The following MARK1 variants were observed in gnomAD, a reference collection of about 807,000 sequenced individuals.
MARK1 encodes microtubule affinity regulating kinase 1.
Under a neutral mutation model 96.3 loss-of-function variants are expected in MARK1, and 40 were observed. The observed-to-expected ratio is 0.42, with a 90% confidence interval of 0.32 to 0.54. MARK1 has a LOEUF of 0.54. MARK1 is among the 20% of genes least tolerant of loss of function. The probability of loss-of-function intolerance (pLI) is 0.16; values close to 1 mark genes in which losing one functional copy is unlikely to be tolerated. For synonymous variants in MARK1, 317 were observed against 341.2 expected, an observed-to-expected ratio of 0.93 and a Z score of 0.78; for missense variants, 719 against 984.6, an observed-to-expected ratio of 0.73 and a Z score of 3.61.
At position 220,663,131 on chromosome 1, in the gene MARK1, A is replaced by G. The variant is rs1170076474; in HGVS notation, c.*965A>G. ...AAGAAATAATGCCACCTCAGGAATT[A>G]ACTGGCATTGGGAACATTTGCCTCA... On this transcript the variant is annotated 3_prime_UTR_variant, in exon 18 of 18. Transcript: ENST00000366917. 6.6e-6 allele frequency: 1 copy of G among 152,642 alleles called. No homozygotes were observed. Among genetic ancestry groups the G allele is most frequent in the East Asian group, 1.9e-4 (1 of 5,198 alleles). 9.5% of individuals were successfully genotyped at this position (152,642 alleles called of 1,614,324 possible).
chr1:220,641,387 A>G (rs1668259964), intron 13 of MARK1, among the ~76,000 whole-genome samples: 1 of 152,136 alleles, frequency 6.6e-6, no homozygotes, highest in Non-Finnish European at 1.5e-5. Flanking sequence ...CTACCCTTCT[A>G]CCGTGTGAAA....
intron 7 of MARK1, among the ~76,000 whole-genome samples, chr1:220,617,982 G>A (rs1307699301): frequency 2.0e-5 from 3 of 152,058 alleles, no homozygotes; most frequent in Non-Finnish European, 4.4e-5. Context: ...GTCATATTAA[G>A]GTACGCTTCC....
chr1:220,633,563 C>A (rs953385033), intron 11 of MARK1, among the ~76,000 whole-genome samples: 1 of 152,246 alleles, frequency 6.6e-6, no homozygotes, highest in South Asian at 2.1e-4. Flanking sequence ...ACGAGGTGAG[C>A]AGTTAATAGT....
intron 12 of MARK1, 89 bp downstream of exon 12, chr1:220,635,618 G>T: frequency 7.1e-7 from 1 of 1,410,982 alleles, no homozygotes. Context: ...GTCTCTATGT[G>T]CTTGTGTTAT....
chr1:220,623,249 T>A (rs1429609557), intron 9 of MARK1, among the ~76,000 whole-genome samples: 1 of 152,186 alleles, frequency 6.6e-6, no homozygotes, highest in Non-Finnish European at 1.5e-5. Flanking sequence ...GGAAAGTTTT[T>A]CCCTCGACTT....
chr1:220,628,844 T>C (rs906653637), intron 9 of MARK1, among the ~76,000 whole-genome samples: 4 of 151,732 alleles, frequency 2.6e-5, no homozygotes, highest in African/African-American at 9.7e-5. Context: ...CCCAGCACTT[T>C]GGGAAGCCGA....
At chr1:220,570,069 G>C (rs1197770331) in intron 1 of MARK1, among the ~76,000 whole-genome samples, 1 of 152,076 alleles carries the variant, frequency 6.6e-6, no homozygotes, top group Non-Finnish European at 1.5e-5. Flanking sequence ...AAGGATGTAA[G>C]AAACAATGGT....
Position 220,576,131 on chromosome 1 carries a change from G to A in MARK1, c.52-3223G>A, listed in dbSNP as rs183191797. On this transcript the variant is annotated intron_variant, in intron 1 of 17. Coordinates refer to ENST00000366917, the MANE Select transcript of MARK1 (RefSeq NM_018650.5). ...GTTTACTTTTTAATTTTAAAATAAC[G>A]ATAGCATTGTGTATCTACTGACATT... 2.8e-4 allele frequency among the ~76,000 whole-genome samples: 41 copies of A among 144,106 alleles called. No homozygotes were observed. In the East Asian group the frequency reaches 6.5e-3, roughly 23 times the overall value. The allele number at this position is 144,106 out of a possible 152,430, so 94.5% of individuals were successfully genotyped here. A position where few individuals can be genotyped will look rare whatever the true frequency, so the allele number is the denominator to read the frequency against.
At chr1:220,569,225 C>A (rs1663266370) in intron 1 of MARK1, among the ~76,000 whole-genome samples, 1 of 151,970 alleles carries the variant, frequency 6.6e-6, no homozygotes, top group South Asian at 2.1e-4. Context: ...TCATATTTGC[C>A]CATTTTAAAA....
chr1:220,581,297 T>C (rs889040322), intron 3 of MARK1, among the ~76,000 whole-genome samples, 179 bp downstream of exon 3: 1 of 152,182 alleles, frequency 6.6e-6, no homozygotes, highest in Non-Finnish European at 1.5e-5. Context: ...GCTTGAAAAC[T>C]ATCTACTACT....
chr1:220,615,813 G>A (rs1169497011), intron 6 of MARK1, 126 bp from the exon 7 acceptor site: 1 of 572,784 alleles, frequency 1.7e-6, no homozygotes, highest in Non-Finnish European at 3.1e-6. Context: ...TGAACTAAAA[G>A]CATTGCATAT....
intron 4 of MARK1, 47 bp from the exon 5 acceptor site, chr1:220,599,751 C>T (rs770217468): frequency 1.9e-6 from 2 of 1,030,838 alleles, no homozygotes. Context: ...AAAGCATATT[C>T]AATCTGTGCT....
At chr1:220,600,327 A>AT (rs1427841539) in intron 5 of MARK1, among the ~76,000 whole-genome samples, 16 of 152,226 alleles carry the variant, frequency 1.1e-4, no homozygotes, top group Admixed American at 3.9e-4. Flanking sequence ...CATAAAGTGA[A>AT]TTAAATATTT....
intron 13 of MARK1, among the ~76,000 whole-genome samples, chr1:220,644,142 G>A (rs1437924341): frequency 2.0e-5 from 3 of 152,084 alleles, no homozygotes; most frequent in Non-Finnish European, 2.9e-5. Flanking sequence ...GTAAAGACAA[G>A]ATCCATCAGT....
rs1665628120 is a variant in MARK1, at chr1:220,599,912, A to G, written c.424+49A>G. On this transcript the variant is annotated intron_variant, in intron 5 of 17. Coordinates refer to ENST00000366917, the MANE Select transcript of MARK1 (RefSeq NM_018650.5). ...GTTCTCTTTGCTGAGACATACAGAA[A>G]TGTTAACACCTAAGAGTTCATTATG... 5 of 1,226,862 alleles carry G rather than the reference A, an allele frequency of 4.1e-6. No homozygotes were observed. The South Asian group carries it at 5.4e-5, about 13-fold the overall frequency. 76.0% of individuals were successfully genotyped at this position (1,226,862 alleles called of 1,614,324 possible).
chr1:220,540,709 A>G (rs1661080166), intron 1 of MARK1, among the ~76,000 whole-genome samples: 1 of 93,034 alleles, frequency 1.1e-5, no homozygotes, highest in African/African-American at 3.5e-5. Flanking sequence ...TTCTGATTTT[A>G]TTTGAGTCCT....
Position 220,653,339 on chromosome 1 carries a change from A to G in MARK1, c.1975A>G (p.Lys659Glu). The G allele has an allele frequency of 6.2e-7, 1 of 1,614,264 alleles. No homozygotes were observed. Among genetic ancestry groups the G allele is most frequent in the South Asian group, 1.1e-5 (1 of 91,086 alleles). ...STGIISKITS[K>E]FVRRDPSEGE... ...TGGTATAATAAGCAAAATCACATCCAAATTTGTTCGCAGGTCAGTACCAAT... is the reference window on the plus strand; with the variant it reads ...TGGTATAATAAGCAAAATCACATCCGAATTTGTTCGCAGGTCAGTACCAAT... The change falls in exon 16 of 18, where the codon AAA becomes GAA. Residue 659 changes from lysine (K) to glutamate (E), a missense_variant. By Grantham distance (56) the Lys-to-Glu change is moderately conservative (BLOSUM62 1). This residue lies in a region of MARK1 where 501 missense variants were observed against 588.3 expected (regional missense o/e 0.85). Coordinates refer to ENST00000366917, the MANE Select transcript of MARK1 (RefSeq NM_018650.5).
rs191112766 is a variant in MARK1 at position 220,654,602 on chromosome 1, C to T, written c.1988+1250C>T. Among the ~76,000 whole-genome samples the T allele has an allele frequency of 2.0e-5, 3 of 152,324 alleles. No individual in the cohort carries two copies. The East Asian group carries it at 5.8e-4, about 29-fold the overall frequency. On this transcript the variant is annotated intron_variant, in intron 16 of 17. Transcript: ENST00000366917. This position sits in a 1 kb window ranked among gnomAD's most constrained non-coding sequence, Gnocchi z 4.0. ...AGAACTAAAAGTTCACCAACAGAGTCAGCATGGAAGTTAGATCATAGTGTT... is the reference window on the plus strand; with the variant it reads ...AGAACTAAAAGTTCACCAACAGAGTTAGCATGGAAGTTAGATCATAGTGTT...
chr1:220,652,402 T>A (rs1668931744), intron 15 of MARK1, among the ~76,000 whole-genome samples: 1 of 152,208 alleles, frequency 6.6e-6, no homozygotes, highest in Admixed American at 6.5e-5. Context: ...TCTATAAAGT[T>A]AAAAATTGCT....
Sources: allele counts gnomAD v4.1 joint callset (sites outside exome capture counted in the v4.1 genomes callset), GRCh38; gene constraint gnomAD v4.1.1; regional missense constraint gnomAD v4.1.1; non-coding constraint Gnocchi (gnomAD v3.1); transcripts MANE v1.5; gene names NCBI Gene and HGNC (gene_info 2026-07-23, HGNC 2026-07-21).